Variants in TMBIM6 observed in about 807,000 individuals in gnomAD.
The protein encoded by TMBIM6 is transmembrane BAX inhibitor motif containing 6, also known as bax inhibitor 1.
In TMBIM6, 13 loss-of-function variants were observed where a neutral mutation model predicts 31.4. The observed-to-expected ratio is 0.41, with a 90% CI of 0.27 to 0.66. The LOEUF (loss-of-function observed/expected upper bound fraction) is 0.66. Ranked by LOEUF, TMBIM6 falls within the 30% of genes least tolerant of loss-of-function variation. The probability of loss-of-function intolerance (pLI) is 0.28; values close to 1 mark genes in which losing one functional copy is unlikely to be tolerated. For missense variants in TMBIM6, 275 were observed against 289.5 expected (o/e 0.95, Z 0.36); for synonymous variants, 85 against 101.7 (o/e 0.84, Z 0.99).
intron 9 of TMBIM6, 104 bp from the exon 10 acceptor site, chr12:49,762,765 TTTAA>T: frequency 9.6e-7 from 1 of 1,040,770 alleles, no homozygotes; most frequent in Non-Finnish European, 1.5e-6. Context: ...CTCATTTCTT[TTTAA>T]TTGTCTGGCT....
Position 49,755,486 on chromosome 12 carries a change from C to A in TMBIM6, c.166-149C>A. On this transcript the variant is annotated intron_variant, in intron 3 of 9. Coordinates refer to ENST00000267115, the MANE Select transcript of TMBIM6 (RefSeq NM_003217.3). ...TCTGGGTTATCTCCTCAGCCCCATC[C>A]CTGAGAAAACACTACTTTTTCTCCT... is the stretch of plus-strand genomic sequence containing the variant. 1.3e-5 allele frequency: 12 copies of A among 940,754 alleles called. No homozygotes were observed. The South Asian group carries it at 2.0e-4, about 16-fold the overall frequency. The allele number at this position is 940,754 out of a possible 1,614,324, so 58.3% of individuals were successfully genotyped here. A position where few individuals can be genotyped will look rare whatever the true frequency, so the allele number is the denominator to read the frequency against.
In TMBIM6 at chr12:49,763,156, C is replaced by T. The variant is rs977067892; in HGVS notation, c.*260C>T. 5 of 355,210 alleles carry T rather than the reference C, an allele frequency of 1.4e-5. No homozygotes were observed. Among genetic ancestry groups the T allele is most frequent in the African/African-American group, 8.2e-5 (4 of 48,994 alleles). The allele number at this position is 355,210 out of a possible 1,614,324, so 22.0% of individuals were successfully genotyped here. The stretch of plus-strand genomic sequence containing the variant: ...TCTGTAGCCTCTTCCTCTACTCAGG[C>T]AGTCGACCCGCCACGATGAGAAGTG... On this transcript the variant is annotated 3_prime_UTR_variant, in exon 10 of 10. Coordinates refer to ENST00000267115, the MANE Select transcript of TMBIM6 (RefSeq NM_003217.3).
intron 8 of TMBIM6, among the ~76,000 whole-genome samples, chr12:49,761,014 T>G (rs1226378885): frequency 6.6e-6 from 1 of 151,510 alleles, no homozygotes; most frequent in Non-Finnish European, 1.5e-5. Context: ...TAATTTTGTA[T>G]TTTTAGTAGA....
In TMBIM6 at chr12:49,747,852, G is replaced by A. The variant is rs779102703; in HGVS notation, c.-30-4612G>A. Among the ~76,000 whole-genome samples the A allele has an allele frequency of 7.2e-5, 11 of 152,198 alleles. No homozygotes were observed. The South Asian group carries it at 1.9e-3, about 26-fold the overall frequency. On this transcript the variant is annotated intron_variant, in intron 1 of 9. Coordinates refer to ENST00000267115, the MANE Select transcript of TMBIM6 (RefSeq NM_003217.3). ...TACTTCAGCATGTTTCATGTTCACT[G>A]TAGCTCCTAGGTGTGTGGGAATAGG...
intron 1 of TMBIM6, chr12:49,743,316 C>T (rs1592718739): frequency 6.6e-6 from 1 of 151,696 alleles, no homozygotes; most frequent in Admixed American, 6.6e-5. Flanking sequence ...CTCACTGCAA[C>T]CTCCGCCTCC....
At chr12:49,742,140 T>G (rs1178630763) in intron 1 of TMBIM6, 2 of 1,611,272 alleles carry the variant, frequency 1.2e-6, no homozygotes, top group African/African-American at 1.3e-5. Context: ...GCGGGTGATG[T>G]CACACTCCTC....
intron 4 of TMBIM6, among the ~76,000 whole-genome samples, chr12:49,756,335 C>T (rs1339853928): frequency 1.5e-4 from 23 of 151,466 alleles, no homozygotes; most frequent in Non-Finnish European, 3.4e-4. Context: ...GGGGTTTTAC[C>T]ATGTTGGCCA....
At chr12:49,747,546 C>T (rs1028749556) in intron 1 of TMBIM6, among the ~76,000 whole-genome samples, 6 of 152,090 alleles carry the variant, frequency 3.9e-5, no homozygotes, top group Admixed American at 2.6e-4. Context: ...TGGGCTCAAG[C>T]GACCCTCCCA....
At chr12:49,743,925 T>C (rs529141114) in intron 1 of TMBIM6, among the ~76,000 whole-genome samples, 69 of 152,350 alleles carry the variant, frequency 4.5e-4, no homozygotes, top group African/African-American at 1.3e-3. Flanking sequence ...GATTTTCTTA[T>C]TGGCATTCAG....
At chr12:49,747,994 C>G (rs1335933018) in intron 1 of TMBIM6, among the ~76,000 whole-genome samples, 1 of 152,178 alleles carries the variant, frequency 6.6e-6, no homozygotes, top group African/African-American at 2.4e-5. Flanking sequence ...ACCTCCGCTT[C>G]CCTGGCTCAA....
At chr12:49,753,308 G>C (rs1945530519) in intron 3 of TMBIM6, among the ~76,000 whole-genome samples, 1 of 152,184 alleles carries the variant, frequency 6.6e-6, no homozygotes, top group Non-Finnish European at 1.5e-5. Context: ...GCACTGAATG[G>C]TGTGCTGCTG....
At chr12:49,753,268 G>A (rs967777085) in intron 3 of TMBIM6, among the ~76,000 whole-genome samples, 187 bp downstream of exon 3, 1 of 152,162 alleles carries the variant, frequency 6.6e-6, no homozygotes, top group Admixed American at 6.6e-5. Flanking sequence ...GCCCCCTCTA[G>A]ATACCGAAAA....
rs74087188 is a variant in TMBIM6 at position 49,755,761 on chromosome 12, T to C, written c.286+6T>C. 141,291 of 1,612,356 alleles carry C rather than the reference T, an allele frequency of 0.088. 7,718 individuals are homozygous for C. Among genetic ancestry groups the C allele is most frequent in the African/African-American group, 0.27 (20,361 of 74,804 alleles). Reference sequence around the variant, plus strand: ...TGGATTTGCATTCCTTACAGGTACGTTAAGGGATTTGTCTAATTTTGAGGG... The same window carrying C: ...TGGATTTGCATTCCTTACAGGTACGCTAAGGGATTTGTCTAATTTTGAGGG... On this transcript the variant is annotated splice_donor_region_variant and intron_variant, in intron 4 of 9. Transcript: ENST00000267115.
Position 49,752,322 on chromosome 12 carries a change from A to C in TMBIM6, c.-30-142A>C. 3 of 521,586 alleles carry C rather than the reference A, an allele frequency of 5.8e-6. No individual in the cohort carries two copies. In the South Asian group the frequency reaches 9.6e-5, roughly 17 times the overall value. The allele number at this position is 521,586 out of a possible 1,614,324, so 32.3% of individuals were successfully genotyped here. On this transcript the variant is annotated intron_variant, in intron 1 of 9. Transcript: ENST00000267115. ...GCAAATATATTGTAGGACACATAAA[A>C]ATAAAAATGGTTGTGTTAGGGCTGT...
intron 1 of TMBIM6, among the ~76,000 whole-genome samples, chr12:49,745,376 G>A (rs906923286): frequency 2.0e-5 from 3 of 152,108 alleles, no homozygotes; most frequent in Non-Finnish European, 2.9e-5. Context: ...TATGATGATT[G>A]GACTTAATGA....
At chr12:49,760,916 C>T (rs1362546476) in intron 8 of TMBIM6, among the ~76,000 whole-genome samples, 18 of 151,886 alleles carry the variant, frequency 1.2e-4, no homozygotes, top group Admixed American at 5.2e-4. Flanking sequence ...CTTGGCTCAC[C>T]GCAGCCTCCG....
intron 1 of TMBIM6, 60 bp from the exon 2 acceptor site, chr12:49,752,404 T>A (rs939755412): frequency 1.5e-4 from 184 of 1,233,114 alleles, no homozygotes; most frequent in Non-Finnish European, 1.7e-4. Flanking sequence ...TTTTTTTTTT[T>A]ATAAGCTGTT....
intron 6 of TMBIM6, 35 bp from the exon 7 acceptor site, chr12:49,758,648 C>T (rs1250720214): frequency 1.2e-6 from 2 of 1,609,704 alleles, no homozygotes; most frequent in Non-Finnish European, 1.7e-6. Context: ...TTTGCCTTGG[C>T]TTCTCTCAAG....
chr12:49,742,593 A>T (rs1945317392), intron 1 of TMBIM6: 1 of 234,082 alleles, frequency 4.3e-6, no homozygotes, highest in Non-Finnish European at 8.2e-6. Context: ...ACAGACAAGG[A>T]TTTTAAGGTC....
Sources: gnomAD v4.1 joint callset for allele counts (sites outside exome capture counted in the v4.1 genomes callset) on GRCh38, gnomAD v4.1.1 for gene constraint, MANE v1.5 for transcripts, NCBI Gene and HGNC (gene_info 2026-07-23, HGNC 2026-07-21) for gene names.